POLR2B: variants seen among roughly 807,000 people sequenced by gnomAD.
POLR2B encodes RNA polymerase II subunit B.
POLR2B carries 57 observed loss-of-function variants against 144.6 expected under a neutral mutation model. The ratio of observed to expected loss-of-function variants is 0.39; its 90% CI spans 0.32 to 0.49. POLR2B has a LOEUF of 0.49. Among genes scored for constraint, POLR2B ranks in the 20% least tolerant of loss-of-function variants. The pLI is 0.83. For missense variants in POLR2B, 595 were observed against 1,467.4 expected (o/e 0.41, Z 9.71); for synonymous variants, 442 against 469.8 (o/e 0.94, Z 0.77).
Position 57,023,300 on chromosome 4 carries a change from A to G in POLR2B, c.2516-30A>G, listed in dbSNP as rs925913946. 1.2e-6 allele frequency: 2 copies of G among 1,611,112 alleles called. No individual in the cohort carries two copies. The highest frequency in any genetic ancestry group is 1.7e-6 in the Non-Finnish European group (2 of 1,177,974). ...TGGTTTTTAATCTTTGTTGGGGATT[A>G]TGTGACATTCCGTGTCTATTTCCTC... is the stretch of plus-strand genomic sequence containing the variant. On this transcript the variant is annotated intron_variant, in intron 18 of 24. Coordinates refer to ENST00000314595, the MANE Select transcript of POLR2B (RefSeq NM_000938.3). This position sits in a 1 kb window ranked among gnomAD's most constrained non-coding sequence, Gnocchi z 4.3.
In POLR2B at chr4:57,017,355, ACTCC is replaced by A; in HGVS notation, c.2154+115_2154+118del. On this transcript the variant is annotated intron_variant, in intron 15 of 24. Coordinates refer to ENST00000314595, the MANE Select transcript of POLR2B (RefSeq NM_000938.3). The surrounding 1 kb of genome is among the most constrained non-coding windows in gnomAD (Gnocchi z 4.8). ...AAGCCTTTTAATGAAAAGGCTATTA[ACTCC>A]TACGGAATCAGTATTTGATATAATT... The A allele has an allele frequency of 2.4e-6, 2 of 823,552 alleles. No individual in the cohort carries two copies. Among genetic ancestry groups the A allele is most frequent in the Non-Finnish European group, 3.9e-6 (2 of 507,460 alleles). The allele number at this position is 823,552 out of a possible 1,614,324, so 51.0% of individuals were successfully genotyped here. A position where few individuals can be genotyped will look rare whatever the true frequency, so the allele number is the denominator to read the frequency against.
At position 57,015,577 on chromosome 4, in the gene POLR2B, C is replaced by A; in HGVS notation, c.1876C>A (p.Leu626Met). The A allele has an allele frequency of 6.6e-7, 1 of 1,513,964 alleles. No individual in the cohort carries two copies. Among genetic ancestry groups the A allele is most frequent in the Non-Finnish European group, 8.9e-7 (1 of 1,118,152 alleles). 93.8% of individuals were successfully genotyped at this position (1,513,964 alleles called of 1,614,324 possible). ...TDAGRICRPL[L>M]IVEKQKLLLK... The stretch of plus-strand genomic sequence containing the variant: ...TGCAGGCCGTATTTGTAGACCACTT[C>A]TGATTGTGGAAAAACAAAAGCTACT... The change falls in exon 14 of 25, where the codon CTG (leucine) becomes ATG (methionine). Residue 626 changes from leucine to methionine, a missense_variant. Leu to Met is a conservative substitution (Grantham distance 15). This residue lies in a region of POLR2B where 59 missense variants were observed against 84.2 expected (regional missense o/e 0.70). Transcript: ENST00000314595.
Position 57,030,961 on chromosome 4 carries a change from T to C in POLR2B, c.3498T>C (p.Ser1166=), listed in dbSNP as rs753642483. 1.3e-6 allele frequency: 2 copies of C among 1,599,686 alleles called. No homozygotes were observed. Among genetic ancestry groups the C allele is most frequent in the Non-Finnish European group, 8.6e-7 (1 of 1,166,804 alleles). ...KLLFQELMSM[S]IAPRMMSV ...TGTTTCAGGAACTTATGTCTATGAG[T>C]ATTGCACCGCGAATGATGAGTGTTT... is the stretch of plus-strand genomic sequence containing the variant. The change falls in exon 25 of 25, where the codon AGT becomes AGC. Residue 1166 remains serine, a synonymous_variant. Transcript: ENST00000314595.
rs1169480874 is a variant in POLR2B, at chr4:57,023,462, C to T, written c.2648C>T (p.Thr883Ile). ...GAAAATGAAGATGAATTGGAGAGCA[C>T]CAATAGACGCTATACCAAGAGAGAC... ...LPENEDELES[T>I]NRRYTKRDCS... is the part of the protein sequence containing the mutation. Residue 883 changes from threonine (T) to isoleucine (I), a missense_variant, in exon 19 of 25, where the codon ACC becomes ATC. Physicochemically the swap from Thr to Ile is moderately conservative, Grantham distance 89. This residue lies in a region of POLR2B where 75 missense variants were observed against 100.0 expected (regional missense o/e 0.75). Transcript: ENST00000314595. This position sits in a 1 kb window ranked among gnomAD's most constrained non-coding sequence, Gnocchi z 4.3. 6.2e-7 allele frequency: 1 copy of T among 1,613,976 alleles called. No homozygotes were observed. Among genetic ancestry groups the T allele is most frequent in the Admixed American group, 1.7e-5 (1 of 60,000 alleles).
At chr4:57,021,330 T>C (rs952109037) in intron 17 of POLR2B, among the ~76,000 whole-genome samples, 2 of 152,200 alleles carry the variant, frequency 1.3e-5, no homozygotes, top group African/African-American at 4.8e-5. Flanking sequence ...TATGTTTCAG[T>C]TTGATTGTCG....
At chr4:57,028,119 G>C (rs1187124378) in intron 23 of POLR2B, among the ~76,000 whole-genome samples, 1 of 152,074 alleles carries the variant, frequency 6.6e-6, no homozygotes, top group Non-Finnish European at 1.5e-5. Flanking sequence ...TTCTAAGTCT[G>C]AATTAACATC....
chr4:56,984,668 G>T (rs886064433), intron 1 of POLR2B, among the ~76,000 whole-genome samples: 1 of 152,086 alleles, frequency 6.6e-6, no homozygotes, highest in Non-Finnish European at 1.5e-5. Context: ...CTTCCCTCAG[G>T]TGTAGGGATT....
At chr4:56,987,709 C>T (rs1578557206) in intron 2 of POLR2B, among the ~76,000 whole-genome samples, 1 of 151,848 alleles carries the variant, frequency 6.6e-6, no homozygotes, top group South Asian at 2.1e-4. Context: ...AGTGAAGCTC[C>T]GTCTTTACTA....
intron 5 of POLR2B, 143 bp from the exon 6 acceptor site, chr4:56,995,108 C>T: frequency 1.4e-6 from 1 of 695,372 alleles, no homozygotes; most frequent in Non-Finnish European, 2.3e-6. Flanking sequence ...AGCATTTATG[C>T]AAAATGGAGT....
chr4:57,011,268 G>T (rs1442621615), intron 13 of POLR2B, among the ~76,000 whole-genome samples, 168 bp downstream of exon 13: 2 of 152,240 alleles, frequency 1.3e-5, no homozygotes, highest in Non-Finnish European at 2.9e-5. Flanking sequence ...AGTGGCTCAT[G>T]CCTGTAATCC....
chr4:57,026,806 A>G (rs570013821), intron 23 of POLR2B, among the ~76,000 whole-genome samples: 1 of 152,278 alleles, frequency 6.6e-6, no homozygotes, highest in African/African-American at 2.4e-5. Flanking sequence ...AATGAAAAAT[A>G]TATCTATTTT....
At position 56,994,791 on chromosome 4, in the gene POLR2B, A is replaced by G. The variant is rs1342220497; in HGVS notation, c.501A>G (p.Thr167=). 6.8e-6 allele frequency: 11 copies of G among 1,613,786 alleles called. No individual in the cohort carries two copies. The East Asian group carries it at 2.5e-4, about 36-fold the overall frequency. ...CTTACTGCCTTTTGAATGGCTTGAC[A>G]GATCGTGATCTTTGTGAGTTAAATG... ...RSTYCLLNGL[T]DRDLCELNEC... The change falls in exon 5 of 25, where the codon ACA becomes ACG. Residue 167 remains threonine, a synonymous_variant. Transcript: ENST00000314595.
chr4:57,031,028 T>G lies in POLR2B; in HGVS notation c.*40T>G, dbSNP rs1232480471. 8.3e-7 allele frequency: 1 copy of G among 1,201,052 alleles called. No individual in the cohort carries two copies. The highest frequency in any genetic ancestry group is 1.5e-5 in the African/African-American group (1 of 67,082). The allele number at this position is 1,201,052 out of a possible 1,614,324, so 74.4% of individuals were successfully genotyped here. On this transcript the variant is annotated 3_prime_UTR_variant, in exon 25 of 25. Coordinates refer to ENST00000314595, the MANE Select transcript of POLR2B (RefSeq NM_000938.3). The stretch of plus-strand genomic sequence containing the variant: ...TCAACAAGATAATTAAATATCTTGG[T>G]GTCTTGTTTCTATTGTGTGGCTTTT...
chr4:57,031,031 C>A lies in POLR2B; in HGVS notation c.*43C>A. ...ACAAGATAATTAAATATCTTGGTGT[C>A]TTGTTTCTATTGTGTGGCTTTTTAA... On this transcript the variant is annotated 3_prime_UTR_variant, in exon 25 of 25. Coordinates refer to ENST00000314595, the MANE Select transcript of POLR2B (RefSeq NM_000938.3). 2 of 1,179,606 alleles carry A rather than the reference C, an allele frequency of 1.7e-6. No individual in the cohort carries two copies. The highest frequency in any genetic ancestry group is 1.2e-5 in the South Asian group (1 of 81,844). The allele number at this position is 1,179,606 out of a possible 1,614,324, so 73.1% of individuals were successfully genotyped here.
chr4:57,011,160 A>G (rs1578580001), intron 13 of POLR2B, 60 bp downstream of exon 13: 1 of 1,011,038 alleles, frequency 9.9e-7, no homozygotes, highest in Non-Finnish European at 1.6e-6. Flanking sequence ...GCATAGGACT[A>G]GTGAAAGTTA....
intron 6 of POLR2B, among the ~76,000 whole-genome samples, chr4:56,998,237 TG>T (rs1198803448): frequency 6.6e-6 from 1 of 151,624 alleles, no homozygotes; most frequent in Non-Finnish European, 1.5e-5. Flanking sequence ...TTTTTTTTTT[TG>T]GAGACTAAGT....
At chr4:57,009,393 TG>T (rs1430128067) in intron 10 of POLR2B, among the ~76,000 whole-genome samples, 1 of 152,216 alleles carries the variant, frequency 6.6e-6, no homozygotes, top group African/African-American at 2.4e-5. Context: ...AGGTTGTTTT[TG>T]GGGCTTCATT....
At chr4:57,000,010 C>A (rs1342344333) in intron 7 of POLR2B, among the ~76,000 whole-genome samples, 1 of 152,194 alleles carries the variant, frequency 6.6e-6, no homozygotes, top group Non-Finnish European at 1.5e-5. Flanking sequence ...TTAATGACAG[C>A]AGCAAGAAGA....
At chr4:57,006,021 G>C (rs1012189590) in intron 9 of POLR2B, among the ~76,000 whole-genome samples, 4 of 152,068 alleles carry the variant, frequency 2.6e-5, no homozygotes, top group Admixed American at 1.3e-4. Context: ...ATTTTGTCCT[G>C]CTTTGTACAC....
Sources: allele counts gnomAD v4.1 joint callset (sites outside exome capture counted in the v4.1 genomes callset), GRCh38; gene constraint gnomAD v4.1.1; regional missense constraint gnomAD v4.1.1; non-coding constraint Gnocchi (gnomAD v3.1); transcripts MANE v1.5; gene names NCBI Gene and HGNC (gene_info 2026-07-23, HGNC 2026-07-21).